Variants in SORCS3 observed in about 807,000 individuals in gnomAD.
SORCS3 encodes sortilin related VPS10 domain containing receptor 3, also known as VPS10 domain-containing receptor SorCS3.
Under a neutral mutation model 146.3 loss-of-function variants are expected in SORCS3, and 57 were observed. That is an observed-to-expected ratio of 0.39 (90% CI 0.31 to 0.49). The LOEUF is 0.49. SORCS3 is among the 20% of genes least tolerant of loss of function. The pLI is 0.92. For synonymous variants in SORCS3, 653 were observed against 618.5 expected, an observed-to-expected ratio of 1.06 and a Z score of -0.83; for missense variants, 1,341 against 1,575.5, an observed-to-expected ratio of 0.85 and a Z score of 2.52.
At chr10:105,171,190 G>C (rs1335583592) in intron 13 of SORCS3, among the ~76,000 whole-genome samples, 1 of 152,152 alleles carries the variant, frequency 6.6e-6, no homozygotes, top group Non-Finnish European at 1.5e-5. Flanking sequence ...GGCTAACTAG[G>C]CATGTTGTTT....
chr10:104,783,753 G>T (rs2017401546), intron 1 of SORCS3, among the ~76,000 whole-genome samples: 1 of 152,162 alleles, frequency 6.6e-6, no homozygotes, highest in Non-Finnish European at 1.5e-5. Flanking sequence ...GAGAAAAAAA[G>T]GATCTAGGAT....
intron 4 of SORCS3, among the ~76,000 whole-genome samples, chr10:104,982,608 T>C (rs2054937227): frequency 6.6e-6 from 1 of 152,204 alleles, no homozygotes; most frequent in Non-Finnish European, 1.5e-5. Flanking sequence ...TCCATTCTTA[T>C]AAAAATGATT....
chr10:104,916,566 C>G (rs1330991063), intron 3 of SORCS3, among the ~76,000 whole-genome samples: 2 of 152,144 alleles, frequency 1.3e-5, no homozygotes, highest in South Asian at 4.1e-4. Flanking sequence ...CCATGGAAAT[C>G]TACTGAGAGG....
intron 1 of SORCS3, among the ~76,000 whole-genome samples, chr10:104,686,243 C>G (rs548324961): frequency 6.6e-6 from 1 of 152,150 alleles, no homozygotes; most frequent in South Asian, 2.1e-4. Context: ...TTGAGGCAAC[C>G]AGGGGCTCTG....
intron 1 of SORCS3, among the ~76,000 whole-genome samples, chr10:104,729,890 G>A (rs1180270119): frequency 6.6e-6 from 1 of 152,234 alleles, no homozygotes; most frequent in South Asian, 2.1e-4. Flanking sequence ...CAGACTATGT[G>A]TAGCTTGGGG....
At chr10:105,035,346 G>A (rs767755175) in intron 4 of SORCS3, among the ~76,000 whole-genome samples, 5 of 152,100 alleles carry the variant, frequency 3.3e-5, no homozygotes, top group African/African-American at 4.8e-5. Context: ...TGCTGTATTC[G>A]TTTGGCTTTT....
At chr10:104,663,146 G>T (rs1040113953) in intron 1 of SORCS3, among the ~76,000 whole-genome samples, 4 of 152,114 alleles carry the variant, frequency 2.6e-5, no homozygotes, top group Non-Finnish European at 5.9e-5. Flanking sequence ...TGGCACAGTG[G>T]AGTCCTCTCC....
chr10:104,977,730 C>CT (rs796233007), intron 4 of SORCS3, among the ~76,000 whole-genome samples: 18,052 of 122,800 alleles, frequency 0.15, 1,630 homozygotes, highest in South Asian at 0.23. Context: ...CTTTTCTTTT[C>CT]TTTTTTTTTT....
At chr10:105,024,799 C>G (rs1013937409) in intron 4 of SORCS3, among the ~76,000 whole-genome samples, 3 of 152,174 alleles carry the variant, frequency 2.0e-5, no homozygotes, top group Non-Finnish European at 2.9e-5. Flanking sequence ...AAGAATTAAA[C>G]AAAGGTGTTT....
intron 1 of SORCS3, among the ~76,000 whole-genome samples, chr10:104,685,508 T>TA (rs2016033850): frequency 6.6e-6 from 1 of 152,238 alleles, no homozygotes; most frequent in Non-Finnish European, 1.5e-5. Context: ...TGAGGTGCTC[T>TA]AGCATATCCT....
intron 6 of SORCS3, among the ~76,000 whole-genome samples, chr10:105,102,871 C>T (rs2055795868): frequency 7.1e-6 from 1 of 140,536 alleles, no homozygotes; most frequent in Admixed American, 8.0e-5. Context: ...CTCAGTGCAA[C>T]CTCTGACTCC....
At chr10:104,815,370 G>T (rs1358239900) in intron 1 of SORCS3, among the ~76,000 whole-genome samples, 1 of 143,478 alleles carries the variant, frequency 7.0e-6, no homozygotes, top group Non-Finnish European at 1.5e-5. Context: ...GATCACTTGA[G>T]CCCAGGAGAC....
intron 1 of SORCS3, among the ~76,000 whole-genome samples, chr10:104,712,201 A>G (rs2016426482): frequency 4.6e-5 from 7 of 152,122 alleles, no homozygotes; most frequent in Admixed American, 4.6e-4. Flanking sequence ...AAATATCATT[A>G]TTTCAGACCT....
At chr10:105,256,741 T>G in intron 24 of SORCS3, 78 bp from the exon 25 acceptor site, 2 of 1,074,926 alleles carry the variant, frequency 1.9e-6, no homozygotes, top group Non-Finnish European at 2.8e-6. Context: ...GCCTCCTTCC[T>G]GCAATGAATA....
At chr10:104,894,763 T>C (rs908433072) in intron 2 of SORCS3, among the ~76,000 whole-genome samples, 62 of 151,944 alleles carry the variant, frequency 4.1e-4, no homozygotes, top group Admixed American at 3.3e-4. Flanking sequence ...TATTACCAAA[T>C]TGGGGAATGG....
chr10:104,965,580 G>T (rs1404398002), intron 3 of SORCS3, among the ~76,000 whole-genome samples: 1 of 152,096 alleles, frequency 6.6e-6, no homozygotes, highest in Non-Finnish European at 1.5e-5. Context: ...GCCAACACTT[G>T]TTATTTTCTG....
intron 20 of SORCS3, among the ~76,000 whole-genome samples, chr10:105,233,785 A>G (rs1009836985): frequency 1.6e-4 from 25 of 152,196 alleles, no homozygotes; most frequent in Admixed American, 3.3e-4. Flanking sequence ...TATATGTGCC[A>G]CATCTTCTTT....
At chr10:104,752,238 G>A (rs568573883) in intron 1 of SORCS3, among the ~76,000 whole-genome samples, 13 of 151,858 alleles carry the variant, frequency 8.6e-5, no homozygotes, top group East Asian at 2.0e-4. Flanking sequence ...GTTTCACCAC[G>A]TTGGCCAGGC....
intron 9 of SORCS3, among the ~76,000 whole-genome samples, chr10:105,149,227 G>C (rs2056152224): frequency 6.6e-6 from 1 of 152,122 alleles, no homozygotes; most frequent in African/African-American, 2.4e-5. Context: ...AAATATTTAA[G>C]ATTGCACCTG....
Sources: gnomAD v4.1 joint callset for allele counts (sites outside exome capture counted in the v4.1 genomes callset) on GRCh38, gnomAD v4.1.1 for gene constraint, MANE v1.5 for transcripts, NCBI Gene and HGNC (gene_info 2026-07-23, HGNC 2026-07-21) for gene names.